SPON1: variants seen among roughly 807,000 people sequenced by gnomAD.
SPON1 encodes spondin-1.
A neutral mutation model predicts 111.7 loss-of-function variants in SPON1; 52 were observed. The observed-to-expected ratio is 0.47, with a 90% CI of 0.37 to 0.59. The LOEUF is 0.59. Among genes scored for constraint, SPON1 ranks in the 20% least tolerant of loss-of-function variants. SPON1 has a pLI of 0.00. For missense variants in SPON1, 957 were observed against 1,068.5 expected, an observed-to-expected ratio of 0.90 and a Z score of 1.46; for synonymous variants, 410 against 395.8, an observed-to-expected ratio of 1.04 and a Z score of -0.43.
Position 14,266,533 on chromosome 11 carries a change from T to C in SPON1, c.*846T>C, listed in dbSNP as rs1554942511. ...ACAAAGGAAGCAAAATTGGTCTCTT[T>C]AGAGACCAATTTGCCTAAATTTTAA... On this transcript the variant is annotated 3_prime_UTR_variant, in exon 16 of 16. Transcript: ENST00000576479. 6.6e-6 allele frequency: 1 copy of C among 152,132 alleles called. No homozygotes were observed. The highest frequency in any genetic ancestry group is 1.5e-5 in the Non-Finnish European group (1 of 68,022). 9.4% of individuals were successfully genotyped at this position (152,132 alleles called of 1,614,324 possible). A position where few individuals can be genotyped will look rare whatever the true frequency, so the allele number is the denominator to read the frequency against.
At chr11:13,998,134 G>A (rs888149635) in intron 2 of SPON1, among the ~76,000 whole-genome samples, 8 of 152,224 alleles carry the variant, frequency 5.3e-5, no homozygotes, top group Admixed American at 2.6e-4. Context: ...TCCACTGCCT[G>A]CCCACATACA....
chr11:14,125,775 C>T (rs1847452758), intron 5 of SPON1, among the ~76,000 whole-genome samples: 1 of 152,022 alleles, frequency 6.6e-6, no homozygotes, highest in Admixed American at 6.6e-5. Flanking sequence ...CGGGGCAGGG[C>T]GGTGGTGAAG....
chr11:14,075,906 G>T (rs545719263), intron 4 of SPON1, among the ~76,000 whole-genome samples: 19 of 152,274 alleles, frequency 1.2e-4, no homozygotes, highest in African/African-American at 4.6e-4. Flanking sequence ...CAAGGATCTA[G>T]TCCTTAGATT....
chr11:13,984,231 G>A (rs1421987988), intron 2 of SPON1, among the ~76,000 whole-genome samples: 1 of 152,168 alleles, frequency 6.6e-6, no homozygotes, highest in African/African-American at 2.4e-5. Context: ...ACCCTAGTAT[G>A]TAGGAACTAT....
chr11:14,121,298 T>G (rs1554926483), intron 5 of SPON1, among the ~76,000 whole-genome samples: 1 of 152,178 alleles, frequency 6.6e-6, no homozygotes, highest in African/African-American at 2.4e-5. Flanking sequence ...TGAATATTAC[T>G]GAATTCAAAG....
intron 5 of SPON1, among the ~76,000 whole-genome samples, chr11:14,094,003 G>A (rs1470784564): frequency 5.9e-5 from 9 of 152,146 alleles, no homozygotes; most frequent in Admixed American, 5.9e-4. Flanking sequence ...CTTGAGGTCA[G>A]GAGTTTGAGA....
At chr11:14,261,222 C>T (rs887882641) in intron 14 of SPON1, among the ~76,000 whole-genome samples, 1 of 152,116 alleles carries the variant, frequency 6.6e-6, no homozygotes, top group Non-Finnish European at 1.5e-5. Flanking sequence ...AAAAACTCAC[C>T]CCACCCCGCT....
At chr11:14,254,064 G>T (rs782645657) in intron 7 of SPON1, among the ~76,000 whole-genome samples, 7 of 152,226 alleles carry the variant, frequency 4.6e-5, no homozygotes, top group Non-Finnish European at 7.3e-5. Flanking sequence ...GCTGGTCCCT[G>T]CTTCCCAGCT....
At chr11:14,219,256 A>G (rs1848655421) in intron 6 of SPON1, among the ~76,000 whole-genome samples, 1 of 152,214 alleles carries the variant, frequency 6.6e-6, no homozygotes, top group African/African-American at 2.4e-5. Flanking sequence ...CTGCAGTCAC[A>G]TTCAATTTTA....
At chr11:14,057,919 A>G (rs1279585428) in intron 3 of SPON1, among the ~76,000 whole-genome samples, 13 of 151,662 alleles carry the variant, frequency 8.6e-5, no homozygotes, top group African/African-American at 3.1e-4. Flanking sequence ...AAGGAGGCTG[A>G]GGTAAGAGGA....
intron 5 of SPON1, among the ~76,000 whole-genome samples, chr11:14,091,517 G>C (rs1011348523): frequency 6.6e-6 from 1 of 152,276 alleles, no homozygotes; most frequent in African/African-American, 2.4e-5. Flanking sequence ...GCGCAGCACC[G>C]GTGGGCCGGC....
At chr11:13,984,480 G>A (rs1848167136) in intron 2 of SPON1, among the ~76,000 whole-genome samples, 1 of 152,164 alleles carries the variant, frequency 6.6e-6, no homozygotes, top group Non-Finnish European at 1.5e-5. Flanking sequence ...AAAGGCAGAA[G>A]GGTAAGAGAA....
Position 14,265,524 on chromosome 11 carries a change from G to C in SPON1, c.2261G>C (p.Gly754Ala), listed in dbSNP as rs782551078. ...TAACAAGGCATTCTCATGCTTTCAGGTTGTAGGATGCGCCCATGGACGGCC... is the reference window on the plus strand; with the variant it reads ...TAACAAGGCATTCTCATGCTTTCAGCTTGTAGGATGCGCCCATGGACGGCC... Reference protein sequence around the residue: ...KEESEGEQFPGCRMRPWTAWS... With the variant: ...KEESEGEQFPACRMRPWTAWS... Residue 754 changes from glycine (G) to alanine (A), a missense_variant and splice_region_variant, in exon 16 of 16, where the codon GGT becomes GCT. This residue lies in a region of SPON1 where 549 missense variants were observed against 606.2 expected (regional missense o/e 0.91). Transcript: ENST00000576479. The C allele has an allele frequency of 6.2e-6, 10 of 1,612,530 alleles. No individual in the cohort carries two copies. The highest frequency in any genetic ancestry group is 8.5e-6 in the Non-Finnish European group (10 of 1,179,318).
At chr11:14,182,706 G>A (rs1425838241) in intron 6 of SPON1, among the ~76,000 whole-genome samples, 2 of 152,024 alleles carry the variant, frequency 1.3e-5, no homozygotes, top group Admixed American at 6.6e-5. Flanking sequence ...CTTATTTGAC[G>A]GTCCATAAAA....
rs145366524 is a variant in SPON1, at chr11:13,978,957, G to A, written c.239-3890G>A. On this transcript the variant is annotated intron_variant, in intron 1 of 15. Coordinates refer to ENST00000576479, the MANE Select transcript of SPON1 (RefSeq NM_006108.4). ...GAGCTTTGTCCTAAAGGCAGTGGCTGTGGAGCAGGGATTATCTGTCTTGGC... is the reference window on the plus strand; with the variant it reads ...GAGCTTTGTCCTAAAGGCAGTGGCTATGGAGCAGGGATTATCTGTCTTGGC... Among the ~76,000 whole-genome samples, 80 of 152,360 alleles carry A rather than the reference G, an allele frequency of 5.3e-4. 1 individual carries two copies. The highest frequency in any genetic ancestry group is 1.8e-3 in the African/African-American group (75 of 41,582).
At position 14,079,996 on chromosome 11, in the gene SPON1, G is replaced by A; in HGVS notation, c.651G>A (p.Glu217=). 3 of 1,613,976 alleles carry A rather than the reference G, an allele frequency of 1.9e-6. No homozygotes were observed. Among genetic ancestry groups the A allele is most frequent in the Non-Finnish European group, 2.5e-6 (3 of 1,179,888 alleles). ...YRLTFYGNWS[E]KTHPKDYPRR... is the part of the protein sequence containing the mutation. ...TCACATTTTATGGGAATTGGTCCGA[G>A]AAGACACACCCAAAGGATTACCCTC... Residue 217 remains glutamate, a synonymous_variant, in exon 5 of 16, where the codon GAG becomes GAA. Transcript: ENST00000576479.
At chr11:14,100,993 G>C (rs1428290801) in intron 5 of SPON1, among the ~76,000 whole-genome samples, 2 of 152,056 alleles carry the variant, frequency 1.3e-5, no homozygotes, top group Non-Finnish European at 1.5e-5. Context: ...CTCTCTCTCT[G>C]TTTTGCTTTT....
intron 3 of SPON1, among the ~76,000 whole-genome samples, chr11:14,050,627 T>G (rs1041677514): frequency 1.3e-5 from 2 of 151,818 alleles, no homozygotes; most frequent in African/African-American, 4.8e-5. Flanking sequence ...TATAAGCAGG[T>G]AGTTTATTTG....
intron 6 of SPON1, among the ~76,000 whole-genome samples, chr11:14,173,900 G>A (rs60119363): frequency 1.7e-4 from 18 of 103,128 alleles, no homozygotes; most frequent in Admixed American, 3.4e-4. Flanking sequence ...AGTTCACCCC[G>A]TAGGGGATGC....
Sources: gnomAD v4.1 joint callset for allele counts (sites outside exome capture counted in the v4.1 genomes callset) on GRCh38, gnomAD v4.1.1 for gene constraint, gnomAD v4.1.1 regional missense constraint, MANE v1.5 for transcripts, NCBI Gene and HGNC (gene_info 2026-07-23, HGNC 2026-07-21) for gene names.